The following SMAP2 variants were observed in gnomAD, a reference collection of about 807,000 sequenced individuals.
SMAP2 encodes stromal membrane-associated protein 2.
Under a neutral mutation model 56.4 loss-of-function variants are expected in SMAP2, and 25 were observed. The observed-to-expected ratio is 0.44, with a 90% CI of 0.32 to 0.62. The LOEUF is 0.62. SMAP2 is among the 20% of genes least tolerant of loss of function. The pLI is 0.04. For missense variants in SMAP2, 388 were observed against 545.6 expected (o/e 0.71, Z 2.88); for synonymous variants, 157 against 181.7 (o/e 0.86, Z 1.09).
chr1:40,383,770 T>G (rs755638363), intron 1 of SMAP2, among the ~76,000 whole-genome samples: 13 of 152,194 alleles, frequency 8.5e-5, no homozygotes, highest in African/African-American at 3.1e-4. Flanking sequence ...TTCTGGGAAG[T>G]CTTAGGTATG....
At chr1:40,358,085 T>A (rs1644444668) in intron 1 of SMAP2, among the ~76,000 whole-genome samples, 1 of 152,232 alleles carries the variant, frequency 6.6e-6, no homozygotes, top group Non-Finnish European at 1.5e-5. Context: ...TTCCATTTTT[T>A]GTGTCATCTT....
At chr1:40,357,473 C>CA (rs202073076) in intron 1 of SMAP2, among the ~76,000 whole-genome samples, 17,410 of 141,338 alleles carry the variant, frequency 0.12, 1,628 homozygotes, top group African/African-American at 0.27. Flanking sequence ...ACAACAACCA[C>CA]AAAAAAAAAA....
At chr1:40,401,229 C>T (rs1287558235) in intron 1 of SMAP2, among the ~76,000 whole-genome samples, 1 of 152,220 alleles carries the variant, frequency 6.6e-6, no homozygotes, top group Non-Finnish European at 1.5e-5. Flanking sequence ...CGCCACTGCA[C>T]TCCAGCCTGG....
intron 1 of SMAP2, among the ~76,000 whole-genome samples, chr1:40,376,162 G>A (rs540014363): frequency 6.6e-6 from 1 of 152,058 alleles, no homozygotes; most frequent in South Asian, 2.1e-4. Flanking sequence ...TGTTGGCCAG[G>A]CTGGTCTTGA....
chr1:40,418,418 A>G (rs1645010541), intron 9 of SMAP2, among the ~76,000 whole-genome samples: 1 of 152,354 alleles, frequency 6.6e-6, no homozygotes. Context: ...AAACTTACAT[A>G]TATTTGGAGA....
At chr1:40,421,878 T>A (rs759845225) in intron 9 of SMAP2, 98 bp from the exon 10 acceptor site, 119 of 1,403,462 alleles carry the variant, frequency 8.5e-5, no homozygotes, top group Non-Finnish European at 1.1e-4. Context: ...TGTCTCATTC[T>A]CCCCATCCTG....
Position 40,347,139 on chromosome 1 carries a change from G to A in SMAP2, c.-83+2229G>A, listed in dbSNP as rs183235857. Among the ~76,000 whole-genome samples, 639 of 151,746 alleles carry A rather than the reference G, an allele frequency of 4.2e-3. 3 individuals carry two copies. Among genetic ancestry groups the A allele is most frequent in the Admixed American group, 6.8e-3 (103 of 15,224 alleles). On this transcript the variant is annotated intron_variant, in intron 1 of 6. Transcript: ENST00000435168. ...GCTCACTGCAGCCTCTGCCTCCTAG[G>A]TTCAAGCGATTCTTCAGCCTCAGCC...
chr1:40,393,354 T>G, intron 1 of SMAP2: 1 of 1,530,920 alleles, frequency 6.5e-7, no homozygotes, highest in South Asian at 1.2e-5. Context: ...CACAAATGAG[T>G]GAGTGCAGCA....
At chr1:40,375,294 T>G (rs1644530829) in intron 1 of SMAP2, among the ~76,000 whole-genome samples, 1 of 152,210 alleles carries the variant, frequency 6.6e-6, no homozygotes, top group Non-Finnish European at 1.5e-5. Flanking sequence ...TTACTTTTGT[T>G]CATAATGCAG....
Position 40,351,005 on chromosome 1 carries a change from T to C in SMAP2, c.-83+6095T>C, listed in dbSNP as rs567267108. Among the ~76,000 whole-genome samples, 6 of 152,268 alleles carry C rather than the reference T, an allele frequency of 3.9e-5. No homozygotes were observed. In the South Asian group the frequency reaches 1.2e-3, roughly 32 times the overall value. On this transcript the variant is annotated intron_variant, in intron 1 of 6. Transcript: ENST00000435168. ...CTGAAGACTCAAAGTCAGGAGCAGA[T>C]CCAAACAATCTCCCTCCTTACCCAG...
At chr1:40,352,123 T>C (rs962044953) in intron 1 of SMAP2, among the ~76,000 whole-genome samples, 23 of 152,190 alleles carry the variant, frequency 1.5e-4, no homozygotes, top group Non-Finnish European at 2.9e-4. Context: ...ATGAAATTTT[T>C]CATACAATTT....
intron 1 of SMAP2, among the ~76,000 whole-genome samples, chr1:40,356,418 T>TTG (rs1557822086): frequency 6.6e-6 from 1 of 150,758 alleles, no homozygotes; most frequent in African/African-American, 2.4e-5. Flanking sequence ...TTTTTTTGTT[T>TTG]TTTTTTTTTT....
At chr1:40,407,836 C>A (rs986294944) in intron 2 of SMAP2, among the ~76,000 whole-genome samples, 1 of 152,188 alleles carries the variant, frequency 6.6e-6, no homozygotes, top group Non-Finnish European at 1.5e-5. Flanking sequence ...ATGAATCTTG[C>A]ATGCTGTTAG....
At chr1:40,378,630 AC>A (rs1188988710) in intron 1 of SMAP2, among the ~76,000 whole-genome samples, 1 of 152,164 alleles carries the variant, frequency 6.6e-6, no homozygotes. Context: ...AGTTAAGAGT[AC>A]AAGACATTTG....
intron 1 of SMAP2, among the ~76,000 whole-genome samples, chr1:40,394,193 A>G (rs1010079388): frequency 2.0e-5 from 3 of 152,146 alleles, no homozygotes; most frequent in African/African-American, 7.2e-5. Context: ...CAATCACACC[A>G]TCTACCATTT....
intron 1 of SMAP2, among the ~76,000 whole-genome samples, chr1:40,381,242 T>C (rs1644594981): frequency 6.6e-6 from 1 of 152,224 alleles, no homozygotes; most frequent in African/African-American, 2.4e-5. Context: ...TCTCAGACAT[T>C]GTACCGGGAC....
chr1:40,352,787 T>G (rs1644414369), intron 1 of SMAP2, among the ~76,000 whole-genome samples: 1 of 152,060 alleles, frequency 6.6e-6, no homozygotes, highest in Admixed American at 6.6e-5. Flanking sequence ...CTTGGCCTCC[T>G]AAAGCTCTAA....
At chr1:40,362,498 T>C (rs2124178703) in intron 2 of SMAP2, 1 of 152,338 alleles carries the variant, frequency 6.6e-6, no homozygotes, top group East Asian at 1.9e-4. Context: ...GGTACAGAAT[T>C]CTGGGTTGGC....
intron 1 of SMAP2, among the ~76,000 whole-genome samples, chr1:40,394,885 C>T (rs547054030): frequency 4.7e-4 from 71 of 152,218 alleles, no homozygotes; most frequent in African/African-American, 1.6e-3. Context: ...GTCCCTCTGT[C>T]TGTATCCCAT....
Sources: allele counts gnomAD v4.1 joint callset (sites outside exome capture counted in the v4.1 genomes callset), GRCh38; gene constraint gnomAD v4.1.1; transcripts MANE v1.5; gene names NCBI Gene and HGNC (gene_info 2026-07-23, HGNC 2026-07-21).